Variants in TMTC4 observed in about 807,000 individuals in gnomAD.
TMTC4 encodes protein O-mannosyl-transferase TMTC4.
Under a neutral mutation model 86.0 loss-of-function variants are expected in TMTC4, and 65 were observed. That is an observed-to-expected ratio of 0.76 (90% CI 0.62 to 0.93). The LOEUF is 0.93. TMTC4 is among the 40% of genes least tolerant of loss of function. TMTC4 has a pLI of 0.00. For missense variants in TMTC4, 866 were observed against 948.1 expected (o/e 0.91, Z 1.14); for synonymous variants, 379 against 382.5 (o/e 0.99, Z 0.11).
intron 5 of TMTC4, among the ~76,000 whole-genome samples, chr13:100,659,158 A>T (rs1310593242): frequency 6.6e-6 from 1 of 152,200 alleles, no homozygotes; most frequent in Admixed American, 6.5e-5. Context: ...TACAATTTGC[A>T]TGGGGGCCAT....
chr13:100,665,616 G>C (rs1165841153), intron 3 of TMTC4, among the ~76,000 whole-genome samples: 1 of 152,168 alleles, frequency 6.6e-6, no homozygotes, highest in South Asian at 2.1e-4. Flanking sequence ...GGGACAGCCC[G>C]TCTGTACCAG....
At chr13:100,632,053 A>ACACACACACACCCTCTCT (rs1296569630) in intron 12 of TMTC4, among the ~76,000 whole-genome samples, 1 of 43,110 alleles carries the variant, frequency 2.3e-5, no homozygotes, top group Non-Finnish European at 4.7e-5. Flanking sequence ...ACACACACAC[A>ACACACACACACCCTCTCT]CTCTCTCTCT....
chr13:100,625,494 C>A (rs753403516), intron 15 of TMTC4, 41 bp downstream of exon 15: 39 of 1,608,556 alleles, frequency 2.4e-5, no homozygotes, highest in Non-Finnish European at 2.7e-5. Flanking sequence ...AGAAAAATAA[C>A]CCATCTTTCC....
intron 1 of TMTC4, chr13:100,674,333 G>A: frequency 4.1e-6 from 4 of 978,662 alleles, no homozygotes; most frequent in Non-Finnish European, 4.8e-6. Context: ...GCCAGCTGGC[G>A]GCCAGGCGCG....
chr13:100,647,794 T>C (rs967049542), intron 6 of TMTC4, among the ~76,000 whole-genome samples: 6 of 152,340 alleles, frequency 3.9e-5, no homozygotes, highest in African/African-American at 9.6e-5. Context: ...GAATTCTAGA[T>C]AGTCCTCTTA....
rs573078746 is a variant in TMTC4, at chr13:100,653,428, G to A, written c.640+2953C>T. Among the ~76,000 whole-genome samples the A allele has an allele frequency of 2.0e-5, 3 of 152,258 alleles. No homozygotes were observed. The South Asian group carries it at 6.2e-4, about 32-fold the overall frequency. Reference sequence around the variant, plus strand: ...GGGCTGTTCTGATGTCGCCGGGCCAGGGAACGAGGTGGACGGGGATAGGCA... The same window carrying A: ...GGGCTGTTCTGATGTCGCCGGGCCAAGGAACGAGGTGGACGGGGATAGGCA... On this transcript the variant is annotated intron_variant, in intron 6 of 18. Coordinates refer to ENST00000342624, the MANE Select transcript of TMTC4 (RefSeq NM_032813.5).
rs1055185572 is a variant in TMTC4, at chr13:100,674,512, C to A, written c.-208+232G>T. The A allele has an allele frequency of 8.2e-6, 8 of 971,624 alleles. No homozygotes were observed. In the South Asian group the frequency reaches 3.8e-4, roughly 46 times the overall value. 60.2% of individuals were successfully genotyped at this position (971,624 alleles called of 1,614,324 possible). A position where few individuals can be genotyped will look rare whatever the true frequency, so the allele number is the denominator to read the frequency against. ...CGGCGGGCGGGGCGCGCAGCCTCCACGCCGCGCCCTTTGTCCCATGTGCGG... is the reference window on the plus strand; with the variant it reads ...CGGCGGGCGGGGCGCGCAGCCTCCAAGCCGCGCCCTTTGTCCCATGTGCGG... On this transcript the variant is annotated intron_variant, in intron 1 of 18. Coordinates refer to ENST00000342624, the MANE Select transcript of TMTC4 (RefSeq NM_032813.5).
intron 3 of TMTC4, among the ~76,000 whole-genome samples, chr13:100,664,950 C>T (rs1886228272): frequency 6.6e-6 from 1 of 152,184 alleles, no homozygotes; most frequent in Non-Finnish European, 1.5e-5. Context: ...AATAAGATCA[C>T]TATTAACCTC....
At chr13:100,663,904 T>C (rs937845793) in intron 4 of TMTC4, among the ~76,000 whole-genome samples, 1 of 152,228 alleles carries the variant, frequency 6.6e-6, no homozygotes, top group African/African-American at 2.4e-5. Context: ...TATTTATTTC[T>C]GTAGTGAAAA....
Position 100,625,585 on chromosome 13 carries a change from T to C in TMTC4, c.1786A>G (p.Ile596Val), listed in dbSNP as rs752240657. ...TCTGGGTATTTCCTTCTGTGTTTAA[T>C]TGCTGTCCGGTAACTTTGCTCTGCT... is the stretch of plus-strand genomic sequence containing the variant. ...EAAEQSYRTA[I>V]KHRRKYPDCY... The change falls in exon 15 of 19, where the codon ATT becomes GTT. Residue 596 changes from isoleucine (I) to valine (V), a missense_variant. Transcript: ENST00000342624. 2.4e-5 allele frequency: 38 copies of C among 1,614,220 alleles called. No individual in the cohort carries two copies. Among genetic ancestry groups the C allele is most frequent in the South Asian group, 9.9e-5 (9 of 91,088 alleles).
intron 12 of TMTC4, among the ~76,000 whole-genome samples, chr13:100,628,294 G>A (rs1237297783): frequency 1.3e-5 from 2 of 152,170 alleles, no homozygotes; most frequent in Non-Finnish European, 2.9e-5. Flanking sequence ...AATTGTACAG[G>A]ATTTGTCCAT....
intron 15 of TMTC4, among the ~76,000 whole-genome samples, chr13:100,620,155 C>T (rs1879257000): frequency 6.6e-6 from 1 of 152,220 alleles, no homozygotes; most frequent in African/African-American, 2.4e-5. Context: ...CAGTCCTACG[C>T]TTACCCTTCT....
In TMTC4 at chr13:100,625,262, G is replaced by A. The variant is rs954632452; in HGVS notation, c.1836+273C>T. The stretch of plus-strand genomic sequence containing the variant: ...CCATTGGAGTGCTGTTTTACAGGGC[G>A]GACGGGACTTTAACATGTTAATTTA... On this transcript the variant is annotated intron_variant, in intron 15 of 18. Coordinates refer to ENST00000342624, the MANE Select transcript of TMTC4 (RefSeq NM_032813.5). 3.2e-5 allele frequency: 14 copies of A among 435,176 alleles called. 1 individual carries two copies. The highest frequency in any genetic ancestry group is 2.1e-5 in the Non-Finnish European group (5 of 237,868). 27.0% of individuals were successfully genotyped at this position (435,176 alleles called of 1,614,324 possible).
At chr13:100,653,398 G>A (rs1047617725) in intron 6 of TMTC4, among the ~76,000 whole-genome samples, 1 of 152,110 alleles carries the variant, frequency 6.6e-6, no homozygotes, top group Admixed American at 6.5e-5. Flanking sequence ...GGCTGGCAGC[G>A]TGAGGGGCTG....
intron 12 of TMTC4, among the ~76,000 whole-genome samples, chr13:100,633,732 G>A (rs1291336653): frequency 6.6e-6 from 1 of 152,218 alleles, no homozygotes; most frequent in Admixed American, 6.5e-5. Flanking sequence ...GGCTATGTGT[G>A]GTCTAGCCCG....
Position 100,613,839 on chromosome 13 carries a change from G to GC in TMTC4, c.1951+476dup, listed in dbSNP as rs1287591016. ...CTCCCTCCCCCTCTCCCCCCTACCCGCCCCCCCCTTTTTTTTTGAGATGGC... is the reference window on the plus strand; with the variant it reads ...CTCCCTCCCCCTCTCCCCCCTACCCGCCCCCCCCCTTTTTTTTTGAGATGGC... On this transcript the variant is annotated intron_variant, in intron 16 of 18. Coordinates refer to ENST00000342624, the MANE Select transcript of TMTC4 (RefSeq NM_032813.5). Among the ~76,000 whole-genome samples, 138 of 25,816 alleles carry GC rather than the reference G, an allele frequency of 5.3e-3. 1 individual carries two copies. Among genetic ancestry groups the GC allele is most frequent in the African/African-American group, 0.028 (110 of 3,910 alleles). 16.9% of individuals were successfully genotyped at this position (25,816 alleles called of 152,430 possible). A position where few individuals can be genotyped will look rare whatever the true frequency, so the allele number is the denominator to read the frequency against.
intron 6 of TMTC4, 95 bp from the exon 7 acceptor site, chr13:100,642,406 A>C (rs1033352333): frequency 4.3e-5 from 59 of 1,380,766 alleles, no homozygotes; most frequent in Non-Finnish European, 5.6e-5. Flanking sequence ...TACCTTAAAC[A>C]ACCATAACTT....
At chr13:100,607,148 G>GT (rs1876752760) in intron 17 of TMTC4, among the ~76,000 whole-genome samples, 1 of 152,174 alleles carries the variant, frequency 6.6e-6, no homozygotes, top group African/African-American at 2.4e-5. Context: ...CGCCTAACCT[G>GT]TTTTTATTGA....
At chr13:100,661,849 A>T (rs1885817065) in intron 5 of TMTC4, among the ~76,000 whole-genome samples, 1 of 152,196 alleles carries the variant, frequency 6.6e-6, no homozygotes, top group African/African-American at 2.4e-5. Context: ...AGATATTTCA[A>T]TCCCTAAGAA....
Sources: allele counts gnomAD v4.1 joint callset (sites outside exome capture counted in the v4.1 genomes callset), GRCh38; gene constraint gnomAD v4.1.1; transcripts MANE v1.5; gene names NCBI Gene and HGNC (gene_info 2026-07-23, HGNC 2026-07-21).